The following IFT122 variants were observed in gnomAD, a reference collection of about 807,000 sequenced individuals.
IFT122 encodes the protein intraflagellar transport 122, also known as intraflagellar transport protein 122 homolog.
In IFT122, 118 loss-of-function variants were observed where a neutral mutation model predicts 161.6. That is an observed-to-expected ratio of 0.73 (90% CI 0.63 to 0.85). IFT122 has a LOEUF of 0.85. IFT122 is among the 40% of genes least tolerant of loss of function. The pLI is 0.00. For missense variants in IFT122, 1,381 were observed against 1,579.6 expected, an observed-to-expected ratio of 0.87 and a Z score of 2.13; for synonymous variants, 550 against 602.4, an observed-to-expected ratio of 0.91 and a Z score of 1.27.
In IFT122 at chr3:129,479,951, G is replaced by T. The variant is rs72988856; in HGVS notation, c.1488+29G>T. On this transcript the variant is annotated intron_variant, in intron 13 of 29. Coordinates refer to ENST00000348417, the MANE Select transcript of IFT122 (RefSeq NM_052989.3). ...AGTGCTCCCTCACGTCTCCTGTCAG[G>T]CTGATAATCTGCATGCACACGTGGG... The T allele has an allele frequency of 4.8e-3, 7,698 of 1,613,306 alleles. 348 individuals are homozygous for T. In the African/African-American group the frequency reaches 0.093, roughly 19 times the overall value.
At chr3:129,514,619 T>C in intron 25 of IFT122, 65 bp downstream of exon 25, 3 of 1,581,108 alleles carry the variant, frequency 1.9e-6, no homozygotes. Context: ...CATGCCTTCT[T>C]GCCTGGCCTG....
Position 129,517,268 on chromosome 3 carries a change from G to GCACGCACA in IFT122, c.3266-198_3266-197insGCACACAC, listed in dbSNP as rs1553776446. Among the ~76,000 whole-genome samples, 288 of 117,114 alleles carry GCACGCACA rather than the reference G, an allele frequency of 2.5e-3. 5 individuals are homozygous for GCACGCACA. The highest frequency in any genetic ancestry group is 9.0e-3 in the African/African-American group (278 of 30,972). The allele number at this position is 117,114 out of a possible 152,430, so 76.8% of individuals were successfully genotyped here. ...CCCTGCACACACACACATTGCTCCT[G>GCACGCACA]CACACACACACACACACACACACAC... On this transcript the variant is annotated intron_variant, in intron 26 of 29. Coordinates refer to ENST00000348417, the MANE Select transcript of IFT122 (RefSeq NM_052989.3).
chr3:129,502,039 T>C (rs1459249701), intron 19 of IFT122, among the ~76,000 whole-genome samples: 1 of 152,166 alleles, frequency 6.6e-6, no homozygotes, highest in African/African-American at 2.4e-5. Context: ...CATGTCCCCA[T>C]GAGTGATGGG....
chr3:129,468,645 C>T (rs1378400811), intron 8 of IFT122, among the ~76,000 whole-genome samples: 1 of 152,218 alleles, frequency 6.6e-6, no homozygotes, highest in Non-Finnish European at 1.5e-5. Flanking sequence ...CGGGCTGCCG[C>T]TTTTCTCTTG....
intron 14 of IFT122, among the ~76,000 whole-genome samples, chr3:129,483,271 T>C (rs769445554): frequency 6.6e-6 from 1 of 152,150 alleles, no homozygotes; most frequent in African/African-American, 2.4e-5. Flanking sequence ...ACTCAAAAAT[T>C]CCAACAACAC....
chr3:129,508,851 CAGGT>C (rs1251705312), intron 23 of IFT122, among the ~76,000 whole-genome samples: 1 of 152,146 alleles, frequency 6.6e-6, no homozygotes, highest in Non-Finnish European at 1.5e-5. Flanking sequence ...GATGTGCAGT[CAGGT>C]GGGTGGAGAA....
intron 4 of IFT122, among the ~76,000 whole-genome samples, chr3:129,460,375 T>C (rs2076089262): frequency 6.6e-6 from 1 of 152,202 alleles, no homozygotes. Context: ...TCATCTGTGT[T>C]GTAGCATGTG....
At chr3:129,481,821 C>G in intron 14 of IFT122, 127 bp downstream of exon 14, 1 of 976,570 alleles carries the variant, frequency 1.0e-6, no homozygotes, top group Non-Finnish European at 1.6e-6. Flanking sequence ...AGGGGCCAAG[C>G]ACATGCACAG....
At chr3:129,443,746 A>G (rs1266283882) in intron 1 of IFT122, among the ~76,000 whole-genome samples, 4 of 152,258 alleles carry the variant, frequency 2.6e-5, no homozygotes, top group African/African-American at 9.6e-5. Flanking sequence ...TGAAATGTAC[A>G]GATTCTAAGT....
chr3:129,477,080 TAGTG>T (rs1333185880), intron 11 of IFT122, among the ~76,000 whole-genome samples: 11 of 152,072 alleles, frequency 7.2e-5, no homozygotes, highest in Non-Finnish European at 1.5e-4. Context: ...TGAATTTCCT[TAGTG>T]AGGGAGGATG....
intron 20 of IFT122, chr3:129,503,986 C>T (rs901519406): frequency 7.5e-5 from 27 of 362,212 alleles, no homozygotes; most frequent in African/African-American, 3.0e-4. Flanking sequence ...AGGTGTCGCC[C>T]GCAATTAAAA....
chr3:129,489,904 C>T (rs1375774090), intron 16 of IFT122, among the ~76,000 whole-genome samples: 1 of 151,468 alleles, frequency 6.6e-6, no homozygotes, highest in East Asian at 1.9e-4. Flanking sequence ...GCTTCCCTCT[C>T]CTGCCCCACC....
At position 129,504,436 on chromosome 3, in the gene IFT122, CT is replaced by C; in HGVS notation, c.2650+16del. The stretch of plus-strand genomic sequence containing the variant: ...AGCCCAGAAAGGTAGGCAACACAGA[CT>C]GTCACCTTCTAGAAGGAGCAGGAGA... On this transcript the variant is annotated intron_variant, in intron 21 of 29. Coordinates refer to ENST00000348417, the MANE Select transcript of IFT122 (RefSeq NM_052989.3). 2.5e-6 allele frequency: 4 copies of C among 1,595,484 alleles called. No homozygotes were observed. The highest frequency in any genetic ancestry group is 2.6e-6 in the Non-Finnish European group (3 of 1,163,130).
chr3:129,451,038 C>T (rs997577413), intron 2 of IFT122, among the ~76,000 whole-genome samples: 3 of 152,060 alleles, frequency 2.0e-5, no homozygotes, highest in African/African-American at 7.2e-5. Context: ...TGTTTTTAAA[C>T]TCTCCACATA....
chr3:129,458,588 A>G lies in IFT122; in HGVS notation c.194-11A>G, dbSNP rs751803328. The G allele has an allele frequency of 1.2e-6, 2 of 1,612,456 alleles. No homozygotes were observed. Among genetic ancestry groups the G allele is most frequent in the East Asian group, 2.2e-5 (1 of 44,874 alleles). On this transcript the variant is annotated splice_polypyrimidine_tract_variant and intron_variant, in intron 3 of 29. Transcript: ENST00000348417. ...TAAATGTAAGACTTTCCATTTTACA[A>G]ACACTTTTAGGCAAGCGCTTTGCTT... is the stretch of plus-strand genomic sequence containing the variant.
At chr3:129,518,387 C>T (rs2084281893) in intron 27 of IFT122, among the ~76,000 whole-genome samples, 1 of 152,236 alleles carries the variant, frequency 6.6e-6, no homozygotes, top group Admixed American at 6.5e-5. Flanking sequence ...GGCCTCGCTC[C>T]CTTGCACTGA....
intron 1 of IFT122, among the ~76,000 whole-genome samples, chr3:129,446,400 A>G (rs2074003809): frequency 2.0e-5 from 3 of 151,722 alleles, no homozygotes; most frequent in African/African-American, 4.9e-5. Flanking sequence ...AATTTTTTGT[A>G]GAGACGGGGT....
chr3:129,518,998 T>G, intron 27 of IFT122, 109 bp from the exon 28 acceptor site: 1 of 930,776 alleles, frequency 1.1e-6, no homozygotes, highest in Non-Finnish European at 1.8e-6. Context: ...CCTGGAAAAC[T>G]CTTCCACTGG....
rs1288846782 is a variant in IFT122 at position 129,495,607 on chromosome 3, G to A, written c.2208G>A (p.Lys736=). The change falls in exon 18 of 30, where the codon AAG becomes AAA. Residue 736 remains lysine (K), a splice_region_variant and synonymous_variant. Transcript: ENST00000348417. ...ACCTCTGCATGTTTGAGTATGCCAA[G>A]GTAACCTACCCTGTCCCAGGCCCAA... ...YTDLCMFEYA[K]DFLGSGDPKE... is the part of the protein sequence containing the mutation. The A allele has an allele frequency of 6.8e-6, 11 of 1,614,046 alleles. No homozygotes were observed. Among genetic ancestry groups the A allele is most frequent in the African/African-American group, 2.7e-5 (2 of 74,920 alleles).
Sources: gnomAD v4.1 joint callset for allele counts (sites outside exome capture counted in the v4.1 genomes callset) on GRCh38, gnomAD v4.1.1 for gene constraint, MANE v1.5 for transcripts, NCBI Gene and HGNC (gene_info 2026-07-23, HGNC 2026-07-21) for gene names.